Variants in CIB2 observed in about 807,000 individuals in gnomAD.
The protein encoded by CIB2 is calcium and integrin binding family member 2.
Under a neutral mutation model 23.1 loss-of-function variants are expected in CIB2, and 19 were observed. The observed-to-expected ratio is 0.82, with a 90% CI of 0.57 to 1.21. CIB2 has a LOEUF of 1.21. Ranked by LOEUF, CIB2 falls within the 50% of genes most tolerant of loss-of-function variation. The probability of loss-of-function intolerance (pLI) is 0.00; values close to 1 mark genes in which losing one functional copy is unlikely to be tolerated. For missense variants in CIB2, 220 were observed against 241.5 expected (o/e 0.91, Z 0.59); for synonymous variants, 94 against 91.7 (o/e 1.03, Z -0.14).
At chr15:78,118,931 A>G (rs1247762176) in intron 2 of CIB2, among the ~76,000 whole-genome samples, 2 of 152,134 alleles carry the variant, frequency 1.3e-5, no homozygotes, top group Non-Finnish European at 2.9e-5. Context: ...CTGTAATCCT[A>G]GCACTTTGGG....
chr15:78,128,694 C>CAAA (rs531565613), intron 1 of CIB2, among the ~76,000 whole-genome samples: 1 of 54,512 alleles, frequency 1.8e-5, no homozygotes, highest in Non-Finnish European at 3.7e-5. Context: ...GACTCCGTCT[C>CAAA]AAAAAAAAAA....
At chr15:78,123,888 A>G in intron 1 of CIB2, 149 bp from the exon 2 acceptor site, 1 of 852,684 alleles carries the variant, frequency 1.2e-6, no homozygotes, top group South Asian at 1.5e-5. Context: ...GCCCTCACCC[A>G]CTGGGGACAG....
intron 2 of CIB2, among the ~76,000 whole-genome samples, chr15:78,123,137 G>A (rs2074340797): frequency 1.3e-5 from 2 of 152,158 alleles, no homozygotes. Context: ...GAGAAGGGCT[G>A]TCCTGGGAAG....
chr15:78,120,498 C>G (rs957523206), intron 2 of CIB2: 2 of 965,900 alleles, frequency 2.1e-6, no homozygotes, highest in East Asian at 2.3e-4. Flanking sequence ...GGGACAAGGA[C>G]TACTGTCCCG....
intron 2 of CIB2, among the ~76,000 whole-genome samples, chr15:78,111,650 ATCC>A (rs1003773709): frequency 2.4e-4 from 36 of 152,150 alleles, no homozygotes; most frequent in African/African-American, 8.7e-4. Context: ...ACCTAATTTA[ATCC>A]TCCTCCACAT....
chr15:78,129,488 C>T (rs940732604), intron 1 of CIB2, among the ~76,000 whole-genome samples: 1 of 152,012 alleles, frequency 6.6e-6, no homozygotes, highest in African/African-American at 2.4e-5. Flanking sequence ...CACGCTGTCC[C>T]CTCCACCTGG....
intron 2 of CIB2, among the ~76,000 whole-genome samples, chr15:78,113,661 G>A (rs2074195162): frequency 6.6e-6 from 1 of 151,994 alleles, no homozygotes; most frequent in Non-Finnish European, 1.5e-5. Context: ...CTCCTGAGTA[G>A]CTGGGACTAC....
intron 2 of CIB2, among the ~76,000 whole-genome samples, chr15:78,122,620 A>G (rs1285623982): frequency 6.6e-6 from 1 of 152,224 alleles, no homozygotes; most frequent in African/African-American, 2.4e-5. Flanking sequence ...CGGCAATGCT[A>G]TGAGGGTAGG....
At chr15:78,116,539 T>C (rs1185936209) in intron 2 of CIB2, among the ~76,000 whole-genome samples, 3 of 151,980 alleles carry the variant, frequency 2.0e-5, no homozygotes, top group Non-Finnish European at 1.5e-5. Context: ...CCATTTTATA[T>C]AGGGACTTAA....
Position 78,105,155 on chromosome 15 carries a change from G to C in CIB2, c.*156C>G, listed in dbSNP as rs2074046462. 9.4e-7 allele frequency: 1 copy of C among 1,065,590 alleles called. No homozygotes were observed. Among genetic ancestry groups the C allele is most frequent in the East Asian group, 2.6e-5 (1 of 37,846 alleles). 66.0% of individuals were successfully genotyped at this position (1,065,590 alleles called of 1,614,324 possible). The stretch of plus-strand genomic sequence containing the variant: ...CTAACCTTCACAGGCCCCCTTCCTG[G>C]TTAAGGTTTTTTTTTTGCTGAAAGG... On this transcript the variant is annotated 3_prime_UTR_variant, in exon 6 of 6. Coordinates refer to ENST00000258930, the MANE Select transcript of CIB2 (RefSeq NM_006383.4).
chr15:78,120,822 T>G, intron 2 of CIB2: 1 of 828,044 alleles, frequency 1.2e-6, no homozygotes, highest in Non-Finnish European at 1.5e-6. Flanking sequence ...AGGGAGCAGC[T>G]TACCAAGAAA....
chr15:78,109,512 G>T, intron 3 of CIB2, 130 bp from the exon 4 acceptor site: 1 of 961,048 alleles, frequency 1.0e-6, no homozygotes, highest in Non-Finnish European at 1.6e-6. Context: ...TTCCCCATCT[G>T]TAAAAAGGGA....
At chr15:78,122,962 T>G (rs1195488132) in intron 2 of CIB2, among the ~76,000 whole-genome samples, 2 of 152,340 alleles carry the variant, frequency 1.3e-5, no homozygotes, top group East Asian at 3.9e-4. Flanking sequence ...CCTGGGACTT[T>G]GCTGGCTTTT....
chr15:78,131,070 A>C lies in CIB2; in HGVS notation c.51+95T>G. 9.0e-7 allele frequency: 1 copy of C among 1,106,492 alleles called. No individual in the cohort carries two copies. Among genetic ancestry groups the C allele is most frequent in the South Asian group, 1.5e-5 (1 of 68,370 alleles). The allele number at this position is 1,106,492 out of a possible 1,614,324, so 68.5% of individuals were successfully genotyped here. A position where few individuals can be genotyped will look rare whatever the true frequency, so the allele number is the denominator to read the frequency against. ...CAGAGGCAGGGTTTGAACCTGGGAGAGCTGGCTCTCGGGAGGCCTCGGCCA... is the reference window on the plus strand; with the variant it reads ...CAGAGGCAGGGTTTGAACCTGGGAGCGCTGGCTCTCGGGAGGCCTCGGCCA... On this transcript the variant is annotated intron_variant, in intron 1 of 5. Transcript: ENST00000258930. This position sits in a 1 kb window ranked among gnomAD's most constrained non-coding sequence, Gnocchi z 5.8.
chr15:78,105,857 C>T lies in CIB2; in HGVS notation c.424G>A (p.Glu142Lys), dbSNP rs2074062314. ...TCGCACACAAGCACCACCTCCTCCT[C>T]ATCCAGCTCTGACTTAGTGAGCCGG... ...LARLTKSELD[E>K]EEVVLVCDKV... The change falls in exon 5 of 6, where the codon GAG becomes AAG. Residue 142 changes from glutamate to lysine, a missense_variant. By Grantham distance (56) the Glu-to-Lys change is moderately conservative. Transcript: ENST00000258930. 1 of 1,614,132 alleles carries T rather than the reference C, an allele frequency of 6.2e-7. No homozygotes were observed. The highest frequency in any genetic ancestry group is 1.7e-5 in the Admixed American group (1 of 60,016).
At chr15:78,109,113 G>T in intron 4 of CIB2, 122 bp downstream of exon 4, 1 of 1,149,076 alleles carries the variant, frequency 8.7e-7, no homozygotes, top group Non-Finnish European at 1.2e-6. Context: ...ACTCTTCAGA[G>T]GACAGATCAG....
At chr15:78,128,070 G>A (rs1351845180) in intron 1 of CIB2, among the ~76,000 whole-genome samples, 1 of 152,194 alleles carries the variant, frequency 6.6e-6, no homozygotes, top group Non-Finnish European at 1.5e-5. Context: ...CTGGACAGAG[G>A]CCATACAAGA....
chr15:78,117,450 A>G (rs2074257375), intron 2 of CIB2, among the ~76,000 whole-genome samples: 1 of 152,150 alleles, frequency 6.6e-6, no homozygotes, highest in South Asian at 2.1e-4. Flanking sequence ...GTAGATCCCA[A>G]TGTAAATGAG....
At chr15:78,117,317 C>G (rs2141902251) in intron 2 of CIB2, among the ~76,000 whole-genome samples, 1 of 139,560 alleles carries the variant, frequency 7.2e-6, no homozygotes, top group African/African-American at 2.6e-5. Flanking sequence ...GCAGGGGAAC[C>G]CTGAAAAAAA....
Sources: allele counts gnomAD v4.1 joint callset (sites outside exome capture counted in the v4.1 genomes callset), GRCh38; gene constraint gnomAD v4.1.1; non-coding constraint Gnocchi (gnomAD v3.1); transcripts MANE v1.5; gene names NCBI Gene and HGNC (gene_info 2026-07-23, HGNC 2026-07-21).